Variants in TRIB2 observed in about 807,000 individuals in gnomAD.
TRIB2 encodes the protein tribbles pseudokinase 2, also known as tribbles homolog 2.
A neutral mutation model predicts 26.8 loss-of-function variants in TRIB2; 2 were observed. That is an observed-to-expected ratio of 0.07 (90% CI 0.03 to 0.24). The LOEUF (loss-of-function observed/expected upper bound fraction) is 0.24. Among genes scored for constraint, TRIB2 ranks in the 10% least tolerant of loss-of-function variants. The pLI, the probability that TRIB2 is intolerant of heterozygous loss-of-function variation, is 1.00. For synonymous variants in TRIB2, 189 were observed against 187.3 expected (o/e 1.01, Z -0.08); for missense variants, 306 against 449.0 (o/e 0.68, Z 2.88).
At chr2:12,738,422 G>A (rs555889797) in intron 2 of TRIB2, among the ~76,000 whole-genome samples, 2 of 152,246 alleles carry the variant, frequency 1.3e-5, no homozygotes, top group South Asian at 2.1e-4. Context: ...AAGGAAATAC[G>A]TGATGTGAGT....
chr2:12,725,869 C>T (rs577248958), intron 2 of TRIB2, among the ~76,000 whole-genome samples: 5 of 152,340 alleles, frequency 3.3e-5, no homozygotes, highest in African/African-American at 7.2e-5. Flanking sequence ...GCCATGCAGC[C>T]GTGTTGCCCC....
chr2:12,736,282 G>A (rs988486442), intron 2 of TRIB2, among the ~76,000 whole-genome samples: 1 of 152,136 alleles, frequency 6.6e-6, no homozygotes, highest in Non-Finnish European at 1.5e-5. Context: ...AAGGACTGGG[G>A]TCAAGCAGGG....
intron 2 of TRIB2, among the ~76,000 whole-genome samples, chr2:12,725,017 A>G (rs187513289): frequency 6.6e-6 from 1 of 152,348 alleles, no homozygotes; most frequent in East Asian, 1.9e-4. Flanking sequence ...GAATGTCATC[A>G]TGTCCATTGT....
Position 12,723,242 on chromosome 2 carries a change from C to T in TRIB2, c.271-18C>T. On this transcript the variant is annotated intron_variant, in intron 1 of 2. Coordinates refer to ENST00000155926, the MANE Select transcript of TRIB2 (RefSeq NM_021643.4). The stretch of plus-strand genomic sequence containing the variant: ...AGAGGCACCTCTGACTTTGGTCTTA[C>T]TGTTAATCCTGTCGTAGGTGTTTGA... The T allele has an allele frequency of 4.4e-6, 7 of 1,604,842 alleles. No individual in the cohort carries two copies. Among genetic ancestry groups the T allele is most frequent in the Non-Finnish European group, 5.1e-6 (6 of 1,176,904 alleles).
Position 12,718,586 on chromosome 2 carries a change from C to T in TRIB2, c.270+9C>T. On this transcript the variant is annotated intron_variant, in intron 1 of 2. Coordinates refer to ENST00000155926, the MANE Select transcript of TRIB2 (RefSeq NM_021643.4). This position sits in a 1 kb window ranked among gnomAD's most constrained non-coding sequence, Gnocchi z 4.0. ...AGGAGCTGGTGTGCAAGGTAAAGGG[C>T]CAGTGGGTTGCTTTTTGTCTTTGGA... 1 of 1,606,326 alleles carries T rather than the reference C, an allele frequency of 6.2e-7. No individual in the cohort carries two copies. The highest frequency in any genetic ancestry group is 8.5e-7 in the Non-Finnish European group (1 of 1,173,454).
At position 12,723,330 on chromosome 2, in the gene TRIB2, A is replaced by G. The variant is rs1315001044; in HGVS notation, c.341A>G (p.Asn114Ser). ...TGCCTGTCTGCTCATAGTAACATCAACCAAATCACTGAAATTATCCTGGGT... is the reference window on the plus strand; with the variant it reads ...TGCCTGTCTGCTCATAGTAACATCAGCCAAATCACTGAAATTATCCTGGGT... ...CFCLSAHSNI[N>S]QITEIILGET... The change falls in exon 2 of 3, where the codon AAC (asparagine) becomes AGC (serine). Residue 114 changes from asparagine (N) to serine (S), a missense_variant. Coordinates refer to ENST00000155926, the MANE Select transcript of TRIB2 (RefSeq NM_021643.4). The G allele has an allele frequency of 1.3e-5, 21 of 1,614,108 alleles. No homozygotes were observed. Among genetic ancestry groups the G allele is most frequent in the East Asian group, 2.2e-5 (1 of 44,900 alleles).
chr2:12,728,986 C>CTGTGTACAT (rs1488451876), intron 2 of TRIB2, among the ~76,000 whole-genome samples: 1 of 152,170 alleles, frequency 6.6e-6, no homozygotes, highest in Non-Finnish European at 1.5e-5. Context: ...TCATTAAAAG[C>CTGTGTACAT]TGTGTACATT....
At position 12,732,985 on chromosome 2, in the gene TRIB2, A is replaced by G. The variant is rs1029385943; in HGVS notation, c.564-7341A>G. On this transcript the variant is annotated intron_variant, in intron 2 of 2. Transcript: ENST00000155926. The surrounding 1 kb of genome is among the most constrained non-coding windows in gnomAD (Gnocchi z 4.2). ...CTGCCAGGCCCACTTTGTCTGGCTG[A>G]ACTCCCAGCTCAGCCCCACCCTGGC... 6.6e-6 allele frequency among the ~76,000 whole-genome samples: 1 copy of G among 152,172 alleles called. No homozygotes were observed. Among genetic ancestry groups the G allele is most frequent in the Non-Finnish European group, 1.5e-5 (1 of 68,018 alleles).
chr2:12,720,180 G>A (rs529600516), intron 1 of TRIB2, among the ~76,000 whole-genome samples: 1 of 152,326 alleles, frequency 6.6e-6, no homozygotes, highest in East Asian at 1.9e-4. Flanking sequence ...TAAAATCAGA[G>A]GTGACTCTGG....
chr2:12,738,522 G>C (rs1661636738), intron 2 of TRIB2, among the ~76,000 whole-genome samples: 1 of 152,168 alleles, frequency 6.6e-6, no homozygotes, highest in African/African-American at 2.4e-5. Flanking sequence ...GGGGTGTGAT[G>C]ATGGGATAGA....
At position 12,742,245 on chromosome 2, in the gene TRIB2, C is replaced by T. The variant is rs1224195294; in HGVS notation, c.*1451C>T. ...ATAAATATTTGTGTTCCCAGTACCT[C>T]ACTTGTTCGGATTTGACTGCCTGTA... On this transcript the variant is annotated 3_prime_UTR_variant, in exon 3 of 3. Transcript: ENST00000155926. The T allele has an allele frequency of 1.3e-5, 2 of 152,634 alleles. No homozygotes were observed. The highest frequency in any genetic ancestry group is 2.9e-5 in the Non-Finnish European group (2 of 68,056). The allele number at this position is 152,634 out of a possible 1,614,324, so 9.5% of individuals were successfully genotyped here.
chr2:12,724,850 A>AT (rs754590951), intron 2 of TRIB2: 10 of 1,605,508 alleles, frequency 6.2e-6, no homozygotes, highest in Non-Finnish European at 7.7e-6. Flanking sequence ...AGATGAATAT[A>AT]TGTTGACCCC....
In TRIB2 at chr2:12,718,305, C is replaced by T. The variant is rs367693345; in HGVS notation, c.-3C>T. ...TTGTTTGTCGTGTGCGATCCTCACACTCATGAACATACACAGGTCTACCCC... is the reference window on the plus strand; with the variant it reads ...TTGTTTGTCGTGTGCGATCCTCACATTCATGAACATACACAGGTCTACCCC... On this transcript the variant is annotated 5_prime_UTR_variant, in exon 1 of 3. Coordinates refer to ENST00000155926, the MANE Select transcript of TRIB2 (RefSeq NM_021643.4). The surrounding 1 kb of genome is among the most constrained non-coding windows in gnomAD (Gnocchi z 4.0). The T allele has an allele frequency of 2.5e-6, 4 of 1,612,652 alleles. No homozygotes were observed. The highest frequency in any genetic ancestry group is 3.4e-6 in the Non-Finnish European group (4 of 1,178,732).
In TRIB2 at chr2:12,740,708, A is replaced by T; in HGVS notation, c.946A>T (p.Asn316Tyr). Residue 316 changes from asparagine (N) to tyrosine (Y), a missense_variant, in exon 3 of 3, where the codon AAT (asparagine) becomes TAT (tyrosine). Around this residue, in one of 4 missense-constraint regions of TRIB2, gnomAD observed 78 missense variants for 104.9 expected, o/e 0.74. Transcript: ENST00000155926. The surrounding 1 kb of genome is among the most constrained non-coding windows in gnomAD (Gnocchi z 5.8). Reference sequence around the variant, plus strand: ...GTTTTCTACAGATTTTAGCGTCTCGAATTCAGCATATGGTGCTAAGGAAGT... The same window carrying T: ...GTTTTCTACAGATTTTAGCGTCTCGTATTCAGCATATGGTGCTAAGGAAGT... ...PWFSTDFSVS[N>Y]SAYGAKEVSD... 1 of 1,614,158 alleles carries T rather than the reference A, an allele frequency of 6.2e-7. No individual in the cohort carries two copies. The highest frequency in any genetic ancestry group is 8.5e-7 in the Non-Finnish European group (1 of 1,180,034).
In TRIB2 at chr2:12,720,632, C is replaced by T. The variant is rs536642264; in HGVS notation, c.270+2055C>T. 3.9e-5 allele frequency among the ~76,000 whole-genome samples: 6 copies of T among 152,268 alleles called. No individual in the cohort carries two copies. The South Asian group carries it at 1.2e-3, about 32-fold the overall frequency. On this transcript the variant is annotated intron_variant, in intron 1 of 2. Coordinates refer to ENST00000155926, the MANE Select transcript of TRIB2 (RefSeq NM_021643.4). Reference sequence around the variant, plus strand: ...CCTTTTGATGTCTTAGAATAGAAGGCTCATGTTTCCTAGCTGTGTGTTGAC... The same window carrying T: ...CCTTTTGATGTCTTAGAATAGAAGGTTCATGTTTCCTAGCTGTGTGTTGAC...
At chr2:12,739,955 T>C (rs1352081673) in intron 2 of TRIB2, among the ~76,000 whole-genome samples, 3 of 152,222 alleles carry the variant, frequency 2.0e-5, no homozygotes, top group Non-Finnish European at 4.4e-5. Flanking sequence ...TTGAATTCTG[T>C]GGTGCCCTAT....
At chr2:12,737,934 C>T (rs1351897862) in intron 2 of TRIB2, among the ~76,000 whole-genome samples, 1 of 152,164 alleles carries the variant, frequency 6.6e-6, no homozygotes, top group African/African-American at 2.4e-5. Flanking sequence ...CAGCCATAGC[C>T]ACACAGCAGG....
In TRIB2 at chr2:12,737,701, T is replaced by C. The variant is rs1279763803; in HGVS notation, c.564-2625T>C. On this transcript the variant is annotated intron_variant, in intron 2 of 2. Transcript: ENST00000155926. ...CACACAAAAAAGGGAGAGATGGGTA[T>C]TACAGAATCCCAGAATGATAAAACT... Among the ~76,000 whole-genome samples, 3 of 152,200 alleles carry C rather than the reference T, an allele frequency of 2.0e-5. No homozygotes were observed. In the East Asian group the frequency reaches 5.8e-4, roughly 29 times the overall value.
chr2:12,725,211 G>T (rs147521552), intron 2 of TRIB2, among the ~76,000 whole-genome samples: 90 of 152,364 alleles, frequency 5.9e-4, no homozygotes, highest in Middle Eastern at 3.4e-3. Context: ...GTCTTTGATT[G>T]TGTTTCCATA....
Sources: gnomAD v4.1 joint callset for allele counts (sites outside exome capture counted in the v4.1 genomes callset) on GRCh38, gnomAD v4.1.1 for gene constraint, gnomAD v4.1.1 regional missense constraint, Gnocchi (gnomAD v3.1) non-coding constraint, MANE v1.5 for transcripts, NCBI Gene and HGNC (gene_info 2026-07-23, HGNC 2026-07-21) for gene names.